Variants in DNAH8 observed in about 807,000 individuals in gnomAD.
The protein encoded by DNAH8 is axonemal beta dynein heavy chain 8.
Under a neutral mutation model 562.1 loss-of-function variants are expected in DNAH8, and 382 were observed. The observed-to-expected ratio is 0.68, with a 90% CI of 0.63 to 0.74. The LOEUF (loss-of-function observed/expected upper bound fraction) is 0.74, where lower values mean the gene tolerates loss of function less well. Ranked by LOEUF, DNAH8 falls within the 30% of genes least tolerant of loss-of-function variation. DNAH8 has a pLI of 0.00. For synonymous variants in DNAH8, 1,881 were observed against 1,919.4 expected (o/e 0.98, Z 0.52); for missense variants, 5,203 against 5,620.4 (o/e 0.93, Z 2.37).
At chr6:38,839,842 A>T (rs928711058) in intron 33 of DNAH8, among the ~76,000 whole-genome samples, 5 of 152,078 alleles carry the variant, frequency 3.3e-5, no homozygotes, top group Admixed American at 1.3e-4. Flanking sequence ...TTATATTTTT[A>T]GTAGAGACGG....
At chr6:38,747,388 T>TTC (rs200046112) in intron 8 of DNAH8, among the ~76,000 whole-genome samples, 14 of 139,532 alleles carry the variant, frequency 1.0e-4, no homozygotes, top group South Asian at 2.3e-4. Context: ...CTTTTTCTTT[T>TTC]TTTTTTTTTT....
rs1395189657 is a variant in DNAH8, at chr6:38,917,248, C to A, written c.10150C>A (p.Pro3384Thr). The change falls in exon 69 of 93, where the codon CCA (proline) becomes ACA (threonine). Residue 3384 changes from proline to threonine, a missense_variant. Transcript: ENST00000327475. Reference protein sequence around the residue: ...EAEAALNTIKPNDIATVRKLA... With the variant: ...EAEAALNTIKTNDIATVRKLA... Reference sequence around the variant, plus strand: ...TTAATCCCAAATATAGACTATCAAGCCAAATGATATTGCCACAGTCAGGAA... The same window carrying A: ...TTAATCCCAAATATAGACTATCAAGACAAATGATATTGCCACAGTCAGGAA... The A allele has an allele frequency of 1.2e-6, 2 of 1,609,696 alleles. No homozygotes were observed. The highest frequency in any genetic ancestry group is 1.7e-5 in the Admixed American group (1 of 59,702).
At chr6:38,749,335 A>T (rs547238336) in intron 8 of DNAH8, among the ~76,000 whole-genome samples, 44 of 152,222 alleles carry the variant, frequency 2.9e-4, no homozygotes, top group African/African-American at 7.5e-4. Flanking sequence ...GAACACATGG[A>T]CACAGGGAGG....
At chr6:38,893,483 C>T (rs538700873) in intron 58 of DNAH8, among the ~76,000 whole-genome samples, 6 of 152,156 alleles carry the variant, frequency 3.9e-5, no homozygotes, top group Non-Finnish European at 7.4e-5. Flanking sequence ...CAATGGCTGC[C>T]GTCATGGCTG....
intron 87 of DNAH8, among the ~76,000 whole-genome samples, chr6:38,985,288 A>G (rs958199695): frequency 3.3e-5 from 5 of 152,268 alleles, no homozygotes; most frequent in Non-Finnish European, 7.3e-5. Context: ...TTAGGGAAGT[A>G]ATATATAACA....
chr6:38,927,834 G>A (rs1727686535), intron 74 of DNAH8, among the ~76,000 whole-genome samples: 1 of 152,088 alleles, frequency 6.6e-6, no homozygotes, highest in Admixed American at 6.5e-5. Flanking sequence ...CCCAGTCCCA[G>A]GAACCTTCTT....
intron 35 of DNAH8, 32 bp downstream of exon 35, chr6:38,842,935 C>G (rs1774947124): frequency 6.2e-7 from 1 of 1,600,198 alleles, no homozygotes; most frequent in African/African-American, 1.3e-5. Flanking sequence ...TATCAATGAT[C>G]CATTAAAGAA....
rs760040194 is a variant in DNAH8, at chr6:38,938,063, G to A, written c.11653G>A (p.Ala3885Thr). 3.7e-6 allele frequency: 6 copies of A among 1,613,938 alleles called. No individual in the cohort carries two copies. The highest frequency in any genetic ancestry group is 1.3e-5 in the African/African-American group (1 of 74,880). ...GGTAAGTGAAAAGTTGCATGTGGCT[G>A]CAGAAACTGAGATCAAGATCAACGC... is the stretch of plus-strand genomic sequence containing the variant. The part of the protein sequence containing the change: ...AEVSEKLHVA[A>T]ETEIKINAAQ... The change falls in exon 78 of 93, where the codon GCA becomes ACA. Residue 3885 changes from alanine (A) to threonine (T), a missense_variant. Coordinates refer to ENST00000327475, the MANE Select transcript of DNAH8 (RefSeq NM_001206927.2).
chr6:38,872,984 A>G lies in DNAH8; in HGVS notation c.7316A>G (p.Asn2439Ser), dbSNP rs761800731. 12 of 1,614,054 alleles carry G rather than the reference A, an allele frequency of 7.4e-6. No homozygotes were observed. The highest frequency in any genetic ancestry group is 7.6e-6 in the Non-Finnish European group (9 of 1,180,018). The change falls in exon 51 of 93, where the codon AAT becomes AGT. Residue 2439 changes from asparagine to serine, a missense_variant. By Grantham distance (46) the Asn-to-Ser change is conservative. This residue lies in a region of DNAH8 where 977 missense variants were observed against 1,061.8 expected (regional missense o/e 0.92). Transcript: ENST00000327475. ...AACTTAAATTCCGTTTTGGATGACA[A>G]TAAAACTCTGACGTTAGCTAATGGA... ...IENLNSVLDDNKTLTLANGDR... is the reference protein window; with the variant it reads ...IENLNSVLDDSKTLTLANGDR...
intron 11 of DNAH8, among the ~76,000 whole-genome samples, chr6:38,766,480 C>T (rs1412631088): frequency 6.6e-6 from 1 of 152,020 alleles, no homozygotes; most frequent in Non-Finnish European, 1.5e-5. Context: ...CTATAGTACA[C>T]AATACTGTTT....
intron 76 of DNAH8, among the ~76,000 whole-genome samples, chr6:38,933,629 G>A (rs1244167275): frequency 2.0e-5 from 3 of 152,170 alleles, no homozygotes; most frequent in Admixed American, 6.5e-5. Context: ...TGCCACCCAG[G>A]GGTGACCATT....
intron 3 of DNAH8, among the ~76,000 whole-genome samples, chr6:38,723,877 A>G (rs533360518): frequency 6.6e-6 from 1 of 152,168 alleles, no homozygotes; most frequent in Non-Finnish European, 1.5e-5. Context: ...AAAAGAAAGA[A>G]AAAAGAAAAA....
At chr6:38,999,171 T>A (rs1323096777) in intron 88 of DNAH8, among the ~76,000 whole-genome samples, 1 of 152,156 alleles carries the variant, frequency 6.6e-6, no homozygotes, top group Non-Finnish European at 1.5e-5. Context: ...AAAAATTAAA[T>A]CACTCATCAT....
intron 9 of DNAH8, among the ~76,000 whole-genome samples, chr6:38,750,937 A>G (rs368294892): frequency 2.0e-5 from 3 of 152,232 alleles, no homozygotes; most frequent in East Asian, 1.9e-4. Flanking sequence ...ATTTTAACCC[A>G]TATTTAAATA....
intron 1 of DNAH8, 34 bp from the exon 2 acceptor site, chr6:38,722,742 T>G: frequency 6.8e-7 from 1 of 1,469,132 alleles, no homozygotes; most frequent in Non-Finnish European, 9.1e-7. Flanking sequence ...CTCAATTTAC[T>G]GTAGTTTTAA....
At position 38,982,323 on chromosome 6, in the gene DNAH8, T is replaced by TA. The variant is rs761227827; in HGVS notation, c.12835-22dup. 2.8e-6 allele frequency: 3 copies of TA among 1,052,848 alleles called. No homozygotes were observed. The South Asian group carries it at 3.8e-5, about 13-fold the overall frequency. The allele number at this position is 1,052,848 out of a possible 1,614,324, so 65.2% of individuals were successfully genotyped here. ...AATGGAATCAGGTACATGCAATACT[T>TA]ACTTTTCTTTGGTGTTTTTAAGGAG... On this transcript the variant is annotated intron_variant, in intron 85 of 92. Coordinates refer to ENST00000327475, the MANE Select transcript of DNAH8 (RefSeq NM_001206927.2).
chr6:38,771,058 T>G (rs7769812), intron 12 of DNAH8, among the ~76,000 whole-genome samples: 50,087 of 151,898 alleles, frequency 0.33, 8,953 homozygotes, highest in Admixed American at 0.41. Context: ...GACATTTTTT[T>G]GGGGGATATA....
At chr6:39,021,246 G>A (rs923197615) in intron 91 of DNAH8, among the ~76,000 whole-genome samples, 7 of 152,202 alleles carry the variant, frequency 4.6e-5, no homozygotes, top group African/African-American at 1.4e-4. Flanking sequence ...AGCCAGCAGC[G>A]TCTGTATCAC....
chr6:38,890,871 G>T lies in DNAH8; in HGVS notation c.8583+110G>T, dbSNP rs955032758. On this transcript the variant is annotated intron_variant, in intron 58 of 92. Coordinates refer to ENST00000327475, the MANE Select transcript of DNAH8 (RefSeq NM_001206927.2). ...AATATCATATATAGTGGTGTTTTTT[G>T]GAAAAGACAAATTACGTGCTCAAAT... The T allele has an allele frequency of 1.5e-5, 11 of 713,322 alleles. No homozygotes were observed. In the African/African-American group the frequency reaches 1.8e-4, roughly 12 times the overall value. The allele number at this position is 713,322 out of a possible 1,614,324, so 44.2% of individuals were successfully genotyped here. A position where few individuals can be genotyped will look rare whatever the true frequency, so the allele number is the denominator to read the frequency against.
Sources: gnomAD v4.1 joint callset for allele counts (sites outside exome capture counted in the v4.1 genomes callset) on GRCh38, gnomAD v4.1.1 for gene constraint, gnomAD v4.1.1 regional missense constraint, MANE v1.5 for transcripts, NCBI Gene and HGNC (gene_info 2026-07-23, HGNC 2026-07-21) for gene names.